Variants in ARHGAP31 observed in about 807,000 individuals in gnomAD.
ARHGAP31 encodes the protein rho GTPase-activating protein 31.
Under a neutral mutation model 113.9 loss-of-function variants are expected in ARHGAP31, and 34 were observed. That is an observed-to-expected ratio of 0.30 (90% CI 0.23 to 0.40). The LOEUF (loss-of-function observed/expected upper bound fraction) is 0.40. ARHGAP31 is among the 10% of genes least tolerant of loss of function. ARHGAP31 has a pLI of 1.00. For missense variants in ARHGAP31, 1,548 were observed against 1,767.1 expected (o/e 0.88, Z 2.22); for synonymous variants, 650 against 684.8 (o/e 0.95, Z 0.79).
At chr3:119,332,629 TCTCTCTCACACACACACACACA>T (rs1320775304) in intron 1 of ARHGAP31, among the ~76,000 whole-genome samples, 102 of 120,618 alleles carry the variant, frequency 8.5e-4, no homozygotes, top group African/African-American at 3.5e-3. Context: ...TCTCTCTCTC[TCTCTCTCACACACACACACACA>T]CACACACACA....
intron 1 of ARHGAP31, among the ~76,000 whole-genome samples, chr3:119,317,999 C>A (rs1003047984): frequency 6.6e-6 from 1 of 151,840 alleles, no homozygotes; most frequent in African/African-American, 2.4e-5. Context: ...TCAGTTTGTT[C>A]ACGGTTTTTA....
chr3:119,386,453 T>G (rs78888793), intron 6 of ARHGAP31, among the ~76,000 whole-genome samples: 115 of 152,322 alleles, frequency 7.5e-4, no homozygotes, highest in African/African-American at 2.7e-3. Flanking sequence ...GGGCCTCTTT[T>G]ATAAGATTAC....
chr3:119,329,758 C>A, intron 1 of ARHGAP31: 1 of 970,378 alleles, frequency 1.0e-6, no homozygotes, highest in Non-Finnish European at 1.2e-6. Flanking sequence ...ACAGAGCTCA[C>A]GCTCATTCCA....
intron 3 of ARHGAP31, among the ~76,000 whole-genome samples, chr3:119,374,604 A>G (rs1449444302): frequency 1.3e-5 from 2 of 152,112 alleles, no homozygotes; most frequent in Non-Finnish European, 2.9e-5. Flanking sequence ...TGCTGTTCTC[A>G]TGATAGTGAA....
At chr3:119,347,168 G>C (rs2107615143) in intron 1 of ARHGAP31, among the ~76,000 whole-genome samples, 2 of 152,296 alleles carry the variant, frequency 1.3e-5, no homozygotes, top group East Asian at 3.9e-4. Flanking sequence ...GTGTCCAGCT[G>C]ATGCCCATGC....
intron 1 of ARHGAP31, among the ~76,000 whole-genome samples, chr3:119,345,601 C>G (rs1455956108): frequency 1.3e-5 from 2 of 152,154 alleles, no homozygotes; most frequent in Non-Finnish European, 2.9e-5. Flanking sequence ...CCCACTGTGT[C>G]CTTGGAACCT....
intron 1 of ARHGAP31, among the ~76,000 whole-genome samples, chr3:119,303,731 AT>A (rs1244636285): frequency 1.3e-5 from 2 of 152,152 alleles, no homozygotes; most frequent in Non-Finnish European, 2.9e-5. Flanking sequence ...TGTGAAGGCA[AT>A]TGAGCTAATT....
At chr3:119,348,905 G>A (rs780706176) in intron 1 of ARHGAP31, among the ~76,000 whole-genome samples, 11 of 152,200 alleles carry the variant, frequency 7.2e-5, no homozygotes, top group Non-Finnish European at 1.3e-4. Flanking sequence ...ACAACTGTGA[G>A]TGAGAAGAGG....
intron 6 of ARHGAP31, among the ~76,000 whole-genome samples, chr3:119,389,940 C>T (rs1177009447): frequency 2.0e-5 from 3 of 152,200 alleles, no homozygotes; most frequent in South Asian, 2.1e-4. Flanking sequence ...CATTGCAGGA[C>T]GCTTAACAGC....
chr3:119,302,412 A>G (rs1408510152), intron 1 of ARHGAP31, among the ~76,000 whole-genome samples: 3 of 152,226 alleles, frequency 2.0e-5, no homozygotes, highest in Admixed American at 2.0e-4. Context: ...ATAGAGAAAG[A>G]TGAAAACATC....
chr3:119,322,791 C>G (rs895191899), intron 1 of ARHGAP31: 1 of 153,288 alleles, frequency 6.5e-6, no homozygotes, highest in African/African-American at 2.4e-5. Flanking sequence ...TCCTCCCGCT[C>G]CTGTTGCGGG....
rs1179139956 is a variant in ARHGAP31, at chr3:119,417,038, A to G, written c.*774A>G. ...CTGGACTGTAATTTATAAATCCAGT[A>G]GCTACGCAGGGTGGAGGCTGGGCTG... is the stretch of plus-strand genomic sequence containing the variant. On this transcript the variant is annotated 3_prime_UTR_variant, in exon 12 of 12. Coordinates refer to ENST00000264245, the MANE Select transcript of ARHGAP31 (RefSeq NM_020754.4). 1.3e-5 allele frequency: 2 copies of G among 152,596 alleles called. No individual in the cohort carries two copies. Among genetic ancestry groups the G allele is most frequent in the Admixed American group, 6.5e-5 (1 of 15,304 alleles). The allele number at this position is 152,596 out of a possible 1,614,324, so 9.5% of individuals were successfully genotyped here.
intron 7 of ARHGAP31, among the ~76,000 whole-genome samples, chr3:119,393,012 C>T (rs953319115): frequency 1.3e-5 from 2 of 152,044 alleles, no homozygotes; most frequent in South Asian, 2.1e-4. Context: ...GAGGCTGAAG[C>T]GAGAGGATGG....
intron 3 of ARHGAP31, among the ~76,000 whole-genome samples, chr3:119,373,009 A>G (rs1340243787): frequency 6.6e-6 from 1 of 152,250 alleles, no homozygotes; most frequent in African/African-American, 2.4e-5. Context: ...CTATTGCAAA[A>G]TGAGGAAATC....
chr3:119,411,578 G>A (rs2080716871), intron 11 of ARHGAP31, among the ~76,000 whole-genome samples: 1 of 152,142 alleles, frequency 6.6e-6, no homozygotes, highest in South Asian at 2.1e-4. Context: ...CTAAATTTAT[G>A]GTTTCTCAGT....
chr3:119,354,026 G>C lies in ARHGAP31; in HGVS notation c.101-11290G>C, dbSNP rs1161112536. ...CAGGGATAAGTCACAGAGTGGACCAGAGGAGGACCTGGACACCTCTGCAGG... is the reference window on the plus strand; with the variant it reads ...CAGGGATAAGTCACAGAGTGGACCACAGGAGGACCTGGACACCTCTGCAGG... On this transcript the variant is annotated intron_variant, in intron 1 of 11. Transcript: ENST00000264245. 1.3e-5 allele frequency among the ~76,000 whole-genome samples: 2 copies of C among 152,208 alleles called. 1 individual carries two copies. The highest frequency in any genetic ancestry group is 1.3e-4 in the Admixed American group (2 of 15,286).
At chr3:119,299,064 A>C (rs1210729753) in intron 1 of ARHGAP31, 1 of 152,562 alleles carries the variant, frequency 6.6e-6, no homozygotes, top group Non-Finnish European at 1.5e-5. Context: ...AGAAAAATAA[A>C]ATGGAAATTA....
intron 8 of ARHGAP31, among the ~76,000 whole-genome samples, chr3:119,395,245 G>A (rs962706732): frequency 6.6e-5 from 10 of 152,192 alleles, no homozygotes; most frequent in African/African-American, 2.2e-4. Flanking sequence ...CTTCGTGTTT[G>A]CCTGTTAGAG....
At chr3:119,360,476 G>A (rs1253285215) in intron 1 of ARHGAP31, among the ~76,000 whole-genome samples, 1 of 152,190 alleles carries the variant, frequency 6.6e-6, no homozygotes, top group Admixed American at 6.5e-5. Flanking sequence ...TCTGTCTCCA[G>A]GTCTGATCAG....
Sources: allele counts gnomAD v4.1 joint callset (sites outside exome capture counted in the v4.1 genomes callset), GRCh38; gene constraint gnomAD v4.1.1; transcripts MANE v1.5; gene names NCBI Gene and HGNC (gene_info 2026-07-23, HGNC 2026-07-21).